CSF2RB: variants seen among roughly 807,000 people sequenced by gnomAD.
CSF2RB encodes cytokine receptor common subunit beta.
Under a neutral mutation model 67.2 loss-of-function variants are expected in CSF2RB, and 22 were observed. The observed-to-expected ratio is 0.33, with a 90% CI of 0.23 to 0.47. The LOEUF (loss-of-function observed/expected upper bound fraction) is 0.47. CSF2RB is among the 20% of genes least tolerant of loss of function. The pLI is 1.00. For synonymous variants in CSF2RB, 507 were observed against 482.9 expected, an observed-to-expected ratio of 1.05 and a Z score of -0.65; for missense variants, 1,113 against 1,174.5, an observed-to-expected ratio of 0.95 and a Z score of 0.76.
rs995524333 is a variant in CSF2RB at position 36,939,332 on chromosome 22, C to T, written c.*830C>T. 24 of 695,022 alleles carry T rather than the reference C, an allele frequency of 3.5e-5. No individual in the cohort carries two copies. Among genetic ancestry groups the T allele is most frequent in the Non-Finnish European group, 5.8e-5 (22 of 380,898 alleles). The allele number at this position is 695,022 out of a possible 1,614,324, so 43.1% of individuals were successfully genotyped here. A position where few individuals can be genotyped will look rare whatever the true frequency, so the allele number is the denominator to read the frequency against. On this transcript the variant is annotated 3_prime_UTR_variant, in exon 14 of 14. Coordinates refer to ENST00000403662, the MANE Select transcript of CSF2RB (RefSeq NM_000395.3). ...AGGAGTCCAGAGCCCACGTCTACTG[C>T]GGAAAAGTCAGGGGAAACTGCCAAA...
rs202034054 is a variant in CSF2RB at position 36,926,150 on chromosome 22, C to T, written c.364C>T (p.Arg122Trp). 9.3e-6 allele frequency: 15 copies of T among 1,614,160 alleles called. No homozygotes were observed. Among genetic ancestry groups the T allele is most frequent in the Admixed American group, 6.7e-5 (4 of 60,026 alleles). ...CCAACCAGACAGGCCTCTGGGCACC[C>T]GGCTCACCGTCACTCTGACCCAGCA... Reference protein sequence around the residue: ...SFQPDRPLGTRLTVTLTQHVQ... With the variant: ...SFQPDRPLGTWLTVTLTQHVQ... The change falls in exon 4 of 14, where the codon CGG (arginine) becomes TGG (tryptophan). Residue 122 changes from arginine (R) to tryptophan (W), a missense_variant. Around this residue, in one of 2 missense-constraint regions of CSF2RB, gnomAD observed 559 missense variants for 656.5 expected, o/e 0.85. Transcript: ENST00000403662.
chr22:36,931,539 C>T (rs1400515171), intron 8 of CSF2RB, among the ~76,000 whole-genome samples: 4 of 152,214 alleles, frequency 2.6e-5, no homozygotes, highest in South Asian at 4.1e-4. Context: ...CAGCAAATTA[C>T]GGGCATTCAT....
At chr22:36,934,254 C>T (rs1340434600) in intron 10 of CSF2RB, among the ~76,000 whole-genome samples, 2 of 152,178 alleles carry the variant, frequency 1.3e-5, no homozygotes, top group Non-Finnish European at 2.9e-5. Flanking sequence ...TCTCCACCCA[C>T]TCTTCATGAG....
intron 4 of CSF2RB, among the ~76,000 whole-genome samples, chr22:36,928,490 A>G (rs1439068609): frequency 1.3e-5 from 2 of 152,162 alleles, no homozygotes; most frequent in Non-Finnish European, 2.9e-5. Context: ...ATGCTCTAGC[A>G]TGCCATAACC....
At chr22:36,919,778 A>G (rs946328289) in intron 1 of CSF2RB, among the ~76,000 whole-genome samples, 2 of 152,182 alleles carry the variant, frequency 1.3e-5, no homozygotes, top group South Asian at 2.1e-4. Context: ...TTCTTTGCAT[A>G]GAAGTGTCTT....
intron 8 of CSF2RB, among the ~76,000 whole-genome samples, chr22:36,931,570 G>A (rs1223082260): frequency 1.3e-5 from 2 of 152,258 alleles, no homozygotes; most frequent in African/African-American, 2.4e-5. Flanking sequence ...TACAGTGAAG[G>A]CATCAAGGTT....
intron 4 of CSF2RB, 138 bp from the exon 5 acceptor site, chr22:36,929,264 C>A: frequency 1.9e-6 from 2 of 1,072,288 alleles, no homozygotes; most frequent in South Asian, 1.3e-5. Flanking sequence ...ACAGAGGAGA[C>A]GGGTCTTGCT....
intron 10 of CSF2RB, 116 bp from the exon 11 acceptor site, chr22:36,935,235 C>A: frequency 1.1e-6 from 1 of 928,402 alleles, no homozygotes; most frequent in Non-Finnish European, 1.7e-6. Flanking sequence ...AGTTCCAGAG[C>A]CCTGGGCCTG....
chr22:36,931,299 T>C (rs1445264361), intron 8 of CSF2RB, among the ~76,000 whole-genome samples: 1 of 152,270 alleles, frequency 6.6e-6, no homozygotes, highest in African/African-American at 2.4e-5. Flanking sequence ...GTTTCTGTGA[T>C]GTAACAAGGA....
intron 1 of CSF2RB, among the ~76,000 whole-genome samples, chr22:36,915,421 T>TA (rs1491508443): frequency 9.6e-4 from 106 of 110,918 alleles, no homozygotes; most frequent in Admixed American, 1.9e-3. Flanking sequence ...GATTATTTTA[T>TA]TTATATATAT....
Position 36,936,658 on chromosome 22 carries a change from T to G in CSF2RB, c.1568+6T>G. 6.2e-7 allele frequency: 1 copy of G among 1,609,918 alleles called. No homozygotes were observed. Among genetic ancestry groups the G allele is most frequent in the Non-Finnish European group, 8.5e-7 (1 of 1,177,728 alleles). ...CGCTTCCCTGAGCTGGAGGGGTGAG[T>G]GGGCTCGTGGATCACTCCTGACCTT... On this transcript the variant is annotated splice_donor_region_variant and intron_variant, in intron 13 of 13. Coordinates refer to ENST00000403662, the MANE Select transcript of CSF2RB (RefSeq NM_000395.3).
chr22:36,935,807 G>A, intron 12 of CSF2RB, 120 bp downstream of exon 12: 4 of 1,145,312 alleles, frequency 3.5e-6, no homozygotes, highest in East Asian at 5.1e-5. Flanking sequence ...AGGTGGACTG[G>A]GCTTTGGGAG....
intron 6 of CSF2RB, 93 bp from the exon 7 acceptor site, chr22:36,930,282 T>A: frequency 6.3e-7 from 1 of 1,579,354 alleles, no homozygotes; most frequent in East Asian, 2.2e-5. Flanking sequence ...CCAGAGCTCA[T>A]GACCTCTGTG....
chr22:36,925,086 G>A (rs759394388), intron 3 of CSF2RB, among the ~76,000 whole-genome samples: 8 of 152,194 alleles, frequency 5.3e-5, no homozygotes, highest in Non-Finnish European at 8.8e-5. Context: ...CCCGAGCTGC[G>A]CTGCTGCCTC....
rs117630283 is a variant in CSF2RB at position 36,926,879 on chromosome 22, G to A, written c.391+702G>A. ...AGGGACACGTTTTATGAAAGTTTTC[G>A]TTGACGTGGCAAAAACCCATGCTGG... On this transcript the variant is annotated intron_variant, in intron 4 of 13. Coordinates refer to ENST00000403662, the MANE Select transcript of CSF2RB (RefSeq NM_000395.3). 2.2e-4 allele frequency among the ~76,000 whole-genome samples: 33 copies of A among 152,304 alleles called. No individual in the cohort carries two copies. The East Asian group carries it at 2.9e-3, about 13-fold the overall frequency.
chr22:36,934,800 G>C (rs1453566291), intron 10 of CSF2RB, among the ~76,000 whole-genome samples: 2 of 152,170 alleles, frequency 1.3e-5, no homozygotes, highest in Non-Finnish European at 2.9e-5. Flanking sequence ...TAGCGGCAGG[G>C]GCCCAGGGAG....
intron 2 of CSF2RB, chr22:36,922,537 C>T: frequency 1.7e-6 from 1 of 584,596 alleles, no homozygotes; most frequent in Non-Finnish European, 3.1e-6. Flanking sequence ...CACTCCCGGC[C>T]CCTAGGCTCC....
intron 4 of CSF2RB, among the ~76,000 whole-genome samples, chr22:36,928,949 C>G (rs546792697): frequency 5.9e-5 from 9 of 152,260 alleles, no homozygotes; most frequent in African/African-American, 2.2e-4. Context: ...GATGCAGATC[C>G]GAGGATGTTC....
At position 36,938,997 on chromosome 22, in the gene CSF2RB, TG is replaced by T. The variant is rs1941334223; in HGVS notation, c.*498del. On this transcript the variant is annotated 3_prime_UTR_variant, in exon 14 of 14. Transcript: ENST00000403662. ...CATGATTCTCATCTGGGTGCAGAGGTGGGAGGCACCAGGTGGGCACCCGTGG... is the reference window on the plus strand; with the variant it reads ...CATGATTCTCATCTGGGTGCAGAGGTGGAGGCACCAGGTGGGCACCCGTGG... 1 of 621,658 alleles carries T rather than the reference TG, an allele frequency of 1.6e-6. No individual in the cohort carries two copies. The highest frequency in any genetic ancestry group is 1.8e-5 in the African/African-American group (1 of 54,668). The allele number at this position is 621,658 out of a possible 1,614,324, so 38.5% of individuals were successfully genotyped here.
Sources: gnomAD v4.1 joint callset for allele counts (sites outside exome capture counted in the v4.1 genomes callset) on GRCh38, gnomAD v4.1.1 for gene constraint, gnomAD v4.1.1 regional missense constraint, MANE v1.5 for transcripts, NCBI Gene and HGNC (gene_info 2026-07-23, HGNC 2026-07-21) for gene names.